The following NRDC variants were observed in gnomAD, a reference collection of about 807,000 sequenced individuals.
NRDC encodes the protein nardilysin convertase, also known as nardilysin.
Under a neutral mutation model 147.1 loss-of-function variants are expected in NRDC, and 54 were observed. The ratio of observed to expected loss-of-function variants is 0.37; its 90% CI spans 0.29 to 0.46. NRDC has a LOEUF of 0.46. NRDC is among the 20% of genes least tolerant of loss of function. The pLI is 1.00. For missense variants in NRDC, 1,082 were observed against 1,370.6 expected (o/e 0.79, Z 3.33); for synonymous variants, 440 against 482.1 (o/e 0.91, Z 1.14).
chr1:51,855,730 A>G (rs938118729), intron 1 of NRDC, among the ~76,000 whole-genome samples: 1 of 152,036 alleles, frequency 6.6e-6, no homozygotes, highest in African/African-American at 2.4e-5. Context: ...AAAAGTAGCT[A>G]GGTATGGTGA....
intron 1 of NRDC, 101 bp downstream of exon 1, chr1:51,878,174 C>T (rs1169065547): frequency 6.9e-7 from 1 of 1,453,084 alleles, no homozygotes; most frequent in Non-Finnish European, 9.2e-7. Context: ...GAAAGTGTGC[C>T]CTGTTGCTCC....
At chr1:51,868,460 T>C (rs934330130) in intron 1 of NRDC, among the ~76,000 whole-genome samples, 2 of 152,178 alleles carry the variant, frequency 1.3e-5, no homozygotes, top group African/African-American at 4.8e-5. Context: ...CCTGCCATTA[T>C]GAGAAGTTTG....
chr1:51,794,786 G>T, intron 23 of NRDC, 37 bp downstream of exon 23: 1 of 1,612,334 alleles, frequency 6.2e-7, no homozygotes, highest in South Asian at 1.1e-5. Context: ...TCGCTGGTAA[G>T]AACACATAAC....
chr1:51,790,423 A>G (rs1038465749), intron 29 of NRDC, 110 bp downstream of exon 29: 1 of 752,516 alleles, frequency 1.3e-6, no homozygotes, highest in African/African-American at 1.7e-5. Context: ...GGCCAGGACT[A>G]GTGTTTCGAG....
rs781189437 is a variant in NRDC, at chr1:51,814,326, CA to C, written c.1619+224del. ...TTTAAAAAATTCTCAATAGAAGCAT[CA>C]ACAATAAAAGAGAAGCGTGAAAATA... On this transcript the variant is annotated intron_variant, in intron 13 of 30. Transcript: ENST00000352171. 13 of 570,740 alleles carry C rather than the reference CA, an allele frequency of 2.3e-5. No homozygotes were observed. In the South Asian group the frequency reaches 2.8e-4, roughly 12 times the overall value. 35.4% of individuals were successfully genotyped at this position (570,740 alleles called of 1,614,324 possible). A position where few individuals can be genotyped will look rare whatever the true frequency, so the allele number is the denominator to read the frequency against.
chr1:51,864,887 T>C (rs1356860578), intron 1 of NRDC, among the ~76,000 whole-genome samples: 2 of 151,210 alleles, frequency 1.3e-5, no homozygotes, highest in Non-Finnish European at 2.9e-5. Context: ...GAGGCAGAGG[T>C]TGCAGTGAGC....
intron 24 of NRDC, 73 bp from the exon 25 acceptor site, chr1:51,792,497 T>C: frequency 7.2e-7 from 1 of 1,393,204 alleles, no homozygotes; most frequent in East Asian, 2.3e-5. Flanking sequence ...CCAGCTATTC[T>C]AGGCAACCAC....
At chr1:51,809,862 A>T in intron 16 of NRDC, among the ~76,000 whole-genome samples, 1 of 151,748 alleles carries the variant, frequency 6.6e-6, no homozygotes, top group East Asian at 1.9e-4. Context: ...CCAAGATCGC[A>T]CCACTGCACT....
At chr1:51,851,760 T>C (rs991902780) in intron 1 of NRDC, among the ~76,000 whole-genome samples, 10 of 152,108 alleles carry the variant, frequency 6.6e-5, no homozygotes, top group African/African-American at 2.4e-4. Flanking sequence ...TGACTAGCCT[T>C]GAGAATTCAC....
intron 2 of NRDC, among the ~76,000 whole-genome samples, chr1:51,838,658 C>T (rs1681101648): frequency 6.6e-6 from 1 of 151,918 alleles, no homozygotes; most frequent in Admixed American, 6.6e-5. Context: ...AAAATGAAAA[C>T]ACCTAAAATC....
rs1681465034 is a variant in NRDC at position 51,844,825 on chromosome 1, GGAAGGAAGGAAGGAAGGAA to G, written c.342-4330_342-4312del. Among the ~76,000 whole-genome samples the G allele has an allele frequency of 1.2e-3, 5 of 4,042 alleles. No homozygotes were observed. The South Asian group carries it at 0.061, about 49-fold the overall frequency. The allele number at this position is 4,042 out of a possible 152,430, so 2.7% of individuals were successfully genotyped here. ...GGGGAGGGAGGGAGGAAAGAAGGAA[GGAAGGAAGGAAGGAAGGAA>G]GGAAGGAAGGAAGGAAGGAAGGAAG... On this transcript the variant is annotated intron_variant, in intron 1 of 30. Coordinates refer to ENST00000352171, the MANE Select transcript of NRDC (RefSeq NM_001101662.2).
chr1:51,819,200 G>T (rs531105656), intron 9 of NRDC, among the ~76,000 whole-genome samples: 2 of 152,062 alleles, frequency 1.3e-5, no homozygotes, highest in African/African-American at 4.8e-5. Context: ...CACTCAGCAG[G>T]CTGAGGCAGG....
At chr1:51,873,241 C>T (rs1278544975) in intron 1 of NRDC, among the ~76,000 whole-genome samples, 2 of 152,076 alleles carry the variant, frequency 1.3e-5, no homozygotes, top group African/African-American at 4.8e-5. Context: ...AAGGCTTCTG[C>T]TCAGTATACG....
Position 51,840,347 on chromosome 1 carries a change from T to G in NRDC, c.509A>C (p.Glu170Ala), listed in dbSNP as rs753752054. ...SGAEIEDDDE[E>A]GFDDEDEFDD... ...AAACTCATCTTCATCATCAAAACCC[T>G]CTTCATCGTCATCTTCTATTTCAGC... Residue 170 changes from glutamate to alanine, a missense_variant, in exon 2 of 31, where the codon GAG (glutamate) becomes GCG (alanine). Transcript: ENST00000352171. The G allele has an allele frequency of 6.5e-7, 1 of 1,529,834 alleles. No individual in the cohort carries two copies. The allele number at this position is 1,529,834 out of a possible 1,614,324, so 94.8% of individuals were successfully genotyped here.
chr1:51,856,409 T>C (rs1557934177), intron 1 of NRDC, among the ~76,000 whole-genome samples: 1 of 152,142 alleles, frequency 6.6e-6, no homozygotes, highest in African/African-American at 2.4e-5. Context: ...ACATACCAGT[T>C]TCAAGTCCAG....
chr1:51,821,448 T>C lies in NRDC; in HGVS notation c.1217+50A>G, dbSNP rs766687560. The C allele has an allele frequency of 5.5e-6, 7 of 1,271,366 alleles. No individual in the cohort carries two copies. In the Admixed American group the frequency reaches 7.3e-5, roughly 13 times the overall value. The allele number at this position is 1,271,366 out of a possible 1,614,324, so 78.8% of individuals were successfully genotyped here. A position where few individuals can be genotyped will look rare whatever the true frequency, so the allele number is the denominator to read the frequency against. Reference sequence around the variant, plus strand: ...AACCTTTGGGACTCATACAAGATAATGGTCTCTTTAACTCTGAAGGTGTAT... The same window carrying C: ...AACCTTTGGGACTCATACAAGATAACGGTCTCTTTAACTCTGAAGGTGTAT... On this transcript the variant is annotated intron_variant, in intron 8 of 30. Coordinates refer to ENST00000352171, the MANE Select transcript of NRDC (RefSeq NM_001101662.2).
At position 51,803,965 on chromosome 1, in the gene NRDC, C is replaced by T; in HGVS notation, c.2163-1G>A. 2 of 1,573,962 alleles carry T rather than the reference C, an allele frequency of 1.3e-6. No individual in the cohort carries two copies. The highest frequency in any genetic ancestry group is 1.7e-6 in the Non-Finnish European group (2 of 1,160,202). On this transcript the variant is annotated splice_acceptor_variant, in intron 19 of 30. Coordinates refer to ENST00000352171, the MANE Select transcript of NRDC (RefSeq NM_001101662.2). LOFTEE classifies it high-confidence loss of function. ...GACAAAGATATCAAAGAGGACCACA[C>T]TAAGAAGTACAAAATGCAAATGGCA... is the stretch of plus-strand genomic sequence containing the variant.
rs1287088079 is a variant in NRDC, at chr1:51,819,746, A to G, written c.1291+54T>C. 1.2e-5 allele frequency: 17 copies of G among 1,397,610 alleles called. No individual in the cohort carries two copies. The South Asian group carries it at 1.4e-4, about 11-fold the overall frequency. 86.6% of individuals were successfully genotyped at this position (1,397,610 alleles called of 1,614,324 possible). A position where few individuals can be genotyped will look rare whatever the true frequency, so the allele number is the denominator to read the frequency against. ...GAAAATTGGCAGCTTCAATTAGGTT[A>G]TAGAGAATGTGCTAACATTATTTCA... is the stretch of plus-strand genomic sequence containing the variant. On this transcript the variant is annotated intron_variant, in intron 9 of 30. Transcript: ENST00000352171.
intron 1 of NRDC, among the ~76,000 whole-genome samples, chr1:51,865,791 G>A (rs951992701): frequency 2.6e-5 from 4 of 151,704 alleles, no homozygotes; most frequent in Admixed American, 1.3e-4. Flanking sequence ...GATAGCTCAC[G>A]CCTGTATTCC....
Sources: allele counts gnomAD v4.1 joint callset (sites outside exome capture counted in the v4.1 genomes callset), GRCh38; gene constraint gnomAD v4.1.1; transcripts MANE v1.5; gene names NCBI Gene and HGNC (gene_info 2026-07-23, HGNC 2026-07-21).